SIPA1L1: variants seen among roughly 807,000 people sequenced by gnomAD.
SIPA1L1 encodes the protein signal induced proliferation associated 1 like 1, also known as signal-induced proliferation-associated 1-like protein 1.
In SIPA1L1, 26 loss-of-function variants were observed where a neutral mutation model predicts 162.7. The observed-to-expected ratio is 0.16, with a 90% CI of 0.12 to 0.22. The LOEUF (loss-of-function observed/expected upper bound fraction) is 0.22. SIPA1L1 is among the 10% of genes least tolerant of loss of function. The pLI is 1.00. For missense variants in SIPA1L1, 1,874 were observed against 2,241.0 expected, an observed-to-expected ratio of 0.84 and a Z score of 3.31; for synonymous variants, 829 against 837.4, an observed-to-expected ratio of 0.99 and a Z score of 0.17.
At chr14:71,648,896 A>G (rs2042391390) in intron 7 of SIPA1L1, among the ~76,000 whole-genome samples, 1 of 152,134 alleles carries the variant, frequency 6.6e-6, no homozygotes, top group Non-Finnish European at 1.5e-5. Flanking sequence ...GTCTCTCCCT[A>G]CTGTACTAGT....
In SIPA1L1 at chr14:71,639,445, C is replaced by G. The variant is rs949762290; in HGVS notation, c.1819-10890C>G. 2.4e-4 allele frequency among the ~76,000 whole-genome samples: 37 copies of G among 152,246 alleles called. 1 individual carries two copies. The highest frequency in any genetic ancestry group is 1.6e-3 in the Admixed American group (24 of 15,290). On this transcript the variant is annotated intron_variant, in intron 7 of 23. Transcript: ENST00000381232. ...AGACCTAAATAAATGGAGAGGCATA[C>G]TATATTCACAAATTGAGAGCGTTAA...
At chr14:71,502,088 T>C (rs2050266482) in intron 2 of SIPA1L1, among the ~76,000 whole-genome samples, 1 of 146,320 alleles carries the variant, frequency 6.8e-6, no homozygotes, top group South Asian at 2.1e-4. Flanking sequence ...TTTTTTTTTC[T>C]TCTGTGTGTC....
intron 2 of SIPA1L1, among the ~76,000 whole-genome samples, chr14:71,418,974 C>T (rs1456051952): frequency 2.0e-5 from 3 of 152,156 alleles, no homozygotes; most frequent in African/African-American, 7.2e-5. Context: ...CTCACATCTG[C>T]ACAAAATGGG....
intron 2 of SIPA1L1, chr14:71,448,588 T>A (rs186377434): frequency 6.6e-6 from 1 of 152,204 alleles, no homozygotes; most frequent in Admixed American, 6.5e-5. Context: ...ATAAGTGGAA[T>A]TGGGGAAAGC....
intron 4 of SIPA1L1, among the ~76,000 whole-genome samples, chr14:71,544,690 C>G (rs2055018730): frequency 6.6e-6 from 1 of 152,034 alleles, no homozygotes; most frequent in Admixed American, 6.5e-5. Context: ...CTGTTTCTAT[C>G]TAGTACCATT....
At chr14:71,696,388 A>T (rs181919644) in intron 13 of SIPA1L1, among the ~76,000 whole-genome samples, 12 of 152,374 alleles carry the variant, frequency 7.9e-5, no homozygotes, top group Middle Eastern at 3.4e-3. Flanking sequence ...GATGATACTC[A>T]CATGGGTGTC....
intron 2 of SIPA1L1, chr14:71,330,307 C>A: frequency 1.3e-6 from 1 of 761,940 alleles, no homozygotes; most frequent in Non-Finnish European, 2.4e-6. Flanking sequence ...GTGGGAGAGT[C>A]CACATGAAGG....
At chr14:71,650,550 C>G (rs1555494917) in intron 8 of SIPA1L1, 41 bp downstream of exon 8, 3 of 1,587,594 alleles carry the variant, frequency 1.9e-6, no homozygotes, top group Non-Finnish European at 2.6e-6. Context: ...TTATTTTCCC[C>G]CTGTTGTGCT....
chr14:71,407,021 C>A (rs549211770), intron 2 of SIPA1L1, among the ~76,000 whole-genome samples: 5 of 152,268 alleles, frequency 3.3e-5, no homozygotes, highest in African/African-American at 1.2e-4. Flanking sequence ...GCAGCCAGAT[C>A]ACCTGAGGTC....
chr14:71,649,459 T>G (rs2149063026), intron 7 of SIPA1L1, among the ~76,000 whole-genome samples: 1 of 152,336 alleles, frequency 6.6e-6, no homozygotes, highest in South Asian at 2.1e-4. Flanking sequence ...CCCAAAGTGC[T>G]GGGATTACAG....
At chr14:71,351,370 A>G (rs1388022650) in intron 2 of SIPA1L1, among the ~76,000 whole-genome samples, 1 of 152,198 alleles carries the variant, frequency 6.6e-6, no homozygotes, top group Non-Finnish European at 1.5e-5. Context: ...AAATTTCTAC[A>G]TTTAGGACTC....
chr14:71,697,499 T>A (rs2081736526), intron 13 of SIPA1L1, among the ~76,000 whole-genome samples: 1 of 151,952 alleles, frequency 6.6e-6, no homozygotes, highest in African/African-American at 2.4e-5. Flanking sequence ...AAAAAAAAAA[T>A]GATGTTTATC....
intron 4 of SIPA1L1, among the ~76,000 whole-genome samples, chr14:71,532,753 T>C (rs576856206): frequency 6.6e-6 from 1 of 152,250 alleles, no homozygotes; most frequent in African/African-American, 2.4e-5. Context: ...AAATTTTTTT[T>C]CCCTGGATAG....
intron 3 of SIPA1L1, among the ~76,000 whole-genome samples, chr14:71,515,553 C>T (rs1056882614): frequency 2.6e-5 from 4 of 152,158 alleles, no homozygotes; most frequent in African/African-American, 9.7e-5. Context: ...CTTGATGTCT[C>T]TATGTAACTT....
chr14:71,360,311 G>A (rs1379310066), intron 2 of SIPA1L1, among the ~76,000 whole-genome samples: 1 of 152,160 alleles, frequency 6.6e-6, no homozygotes, highest in Non-Finnish European at 1.5e-5. Context: ...CAATAAAGAT[G>A]ATAGATAATG....
At chr14:71,622,344 A>C (rs2039538564) in intron 6 of SIPA1L1, among the ~76,000 whole-genome samples, 1 of 152,250 alleles carries the variant, frequency 6.6e-6, no homozygotes, top group South Asian at 2.1e-4. Flanking sequence ...TGAGGACTCC[A>C]TTCTTATTTC....
intron 4 of SIPA1L1, among the ~76,000 whole-genome samples, chr14:71,568,514 A>G (rs1043278756): frequency 2.7e-5 from 4 of 148,488 alleles, no homozygotes; most frequent in East Asian, 2.4e-4. Context: ...TCTCCTTAGC[A>G]TAGTTCCTCC....
chr14:71,463,147 C>G (rs1030519244), intron 2 of SIPA1L1, among the ~76,000 whole-genome samples: 4 of 152,202 alleles, frequency 2.6e-5, no homozygotes, highest in African/African-American at 9.6e-5. Context: ...GCATTAATTT[C>G]TGCAGTCTCT....
chr14:71,493,702 G>A lies in SIPA1L1; in HGVS notation c.-464-19041G>A, dbSNP rs112785589. Among the ~76,000 whole-genome samples, 556 of 152,318 alleles carry A rather than the reference G, an allele frequency of 3.7e-3. 3 individuals carry two copies. The highest frequency in any genetic ancestry group is 0.012 in the African/African-American group (518 of 41,582). ...GTGGAACAAAGGTTATGTATGTTCT[G>A]TTAGCAGTGAAGCTGATACTATAAA... On this transcript the variant is annotated intron_variant, in intron 2 of 23. Transcript: ENST00000381232.
Sources: gnomAD v4.1 joint callset for allele counts (sites outside exome capture counted in the v4.1 genomes callset) on GRCh38, gnomAD v4.1.1 for gene constraint, MANE v1.5 for transcripts, NCBI Gene and HGNC (gene_info 2026-07-23, HGNC 2026-07-21) for gene names.